Variants in QKI observed in about 807,000 individuals in gnomAD.
QKI encodes the protein KH domain-containing RNA-binding protein QKI.
Under a neutral mutation model 39.0 loss-of-function variants are expected in QKI, and 10 were observed. The ratio of observed to expected loss-of-function variants is 0.26; its 90% CI spans 0.16 to 0.43. The LOEUF (loss-of-function observed/expected upper bound fraction) is 0.43, where lower values mean the gene tolerates loss of function less well. Ranked by LOEUF, QKI falls within the 20% of genes least tolerant of loss-of-function variation. The pLI is 1.00. For missense variants in QKI, 218 were observed against 428.0 expected, an observed-to-expected ratio of 0.51 and a Z score of 4.33; for synonymous variants, 204 against 155.4, an observed-to-expected ratio of 1.31 and a Z score of -2.33.
At chr6:163,556,219 A>G (rs1003961903) in intron 4 of QKI, among the ~76,000 whole-genome samples, 3 of 152,226 alleles carry the variant, frequency 2.0e-5, no homozygotes, top group Non-Finnish European at 4.4e-5. Context: ...GCTGTTAAAC[A>G]TAGTTGATGA....
chr6:163,464,629 C>T (rs576557801), intron 2 of QKI, among the ~76,000 whole-genome samples: 87 of 152,174 alleles, frequency 5.7e-4, no homozygotes, highest in Non-Finnish European at 1.1e-3. Flanking sequence ...CTATCAGGAC[C>T]ACATCATGAA....
At chr6:163,512,311 A>C (rs371286217) in intron 3 of QKI, among the ~76,000 whole-genome samples, 2 of 152,196 alleles carry the variant, frequency 1.3e-5, no homozygotes, top group African/African-American at 4.8e-5. Context: ...GTCTATTCCA[A>C]TTTGTACTAA....
rs201009777 is a variant in QKI, at chr6:163,415,238, A to G, written c.45A>G (p.Pro15=). The G allele has an allele frequency of 5.0e-6, 8 of 1,597,318 alleles. No homozygotes were observed. The Admixed American group carries it at 1.4e-4, about 27-fold the overall frequency. ...CGAAGGAGAAGCCGAAGCCCACCCC[A>G]GATTACCTGATGCAGCTGATGAACG... The part of the protein sequence containing the change: ...METKEKPKPT[P]DYLMQLMNDK... Residue 15 remains proline (P), a synonymous_variant, in exon 1 of 8, where the codon CCA becomes CCG. Transcript: ENST00000361752.
Position 163,481,893 on chromosome 6 carries a change from A to G in QKI, c.402+2997A>G, listed in dbSNP as rs572627072. 7.9e-5 allele frequency among the ~76,000 whole-genome samples: 12 copies of G among 152,250 alleles called. No homozygotes were observed. In the South Asian group the frequency reaches 1.0e-3, roughly 13 times the overall value. On this transcript the variant is annotated intron_variant, in intron 3 of 7. Transcript: ENST00000361752. Reference sequence around the variant, plus strand: ...GTCACACGCCAAAATGTGGCAGTCAAATTTGAAACTAGGCTGGGCACAGTG... The same window carrying G: ...GTCACACGCCAAAATGTGGCAGTCAGATTTGAAACTAGGCTGGGCACAGTG...
intron 3 of QKI, among the ~76,000 whole-genome samples, chr6:163,531,561 C>T (rs544869774): frequency 1.3e-5 from 2 of 152,288 alleles, no homozygotes; most frequent in East Asian, 3.9e-4. Flanking sequence ...AAATAAGTTT[C>T]TTTCTTAACT....
At position 163,563,994 on chromosome 6, in the gene QKI, A is replaced by G. The variant is rs1290735072; in HGVS notation, c.934+275A>G. 8 of 1,265,804 alleles carry G rather than the reference A, an allele frequency of 6.3e-6. No homozygotes were observed. The East Asian group carries it at 2.3e-4, about 36-fold the overall frequency. 78.4% of individuals were successfully genotyped at this position (1,265,804 alleles called of 1,614,324 possible). On this transcript the variant is annotated intron_variant, in intron 6 of 7. Coordinates refer to ENST00000361752, the MANE Select transcript of QKI (RefSeq NM_006775.3). ...TTCAACAAATACTTTTACATTTGAC[A>G]TTACTGAGGTCATTCTGAGTTTTAG...
intron 2 of QKI, among the ~76,000 whole-genome samples, chr6:163,462,287 G>A (rs1791413668): frequency 6.6e-6 from 1 of 152,026 alleles, no homozygotes; most frequent in Non-Finnish European, 1.5e-5. Context: ...AATAAACCCA[G>A]GATTTACAAC....
intron 1 of QKI, 79 bp from the exon 2 acceptor site, chr6:163,455,200 C>G: frequency 2.5e-6 from 3 of 1,182,172 alleles, no homozygotes; most frequent in Non-Finnish European, 3.5e-6. Flanking sequence ...TGAAACCCTC[C>G]CCTGCCCTCT....
intron 1 of QKI, among the ~76,000 whole-genome samples, chr6:163,450,900 A>G (rs1205220007): frequency 6.6e-6 from 1 of 152,200 alleles, no homozygotes. Context: ...TGGCTCCAGA[A>G]GGAGGTTCTG....
intron 3 of QKI, among the ~76,000 whole-genome samples, chr6:163,490,091 G>C (rs906150425): frequency 1.3e-5 from 2 of 152,124 alleles, no homozygotes; most frequent in African/African-American, 4.8e-5. Context: ...GAATCCAATT[G>C]AATAGTAGAA....
rs868762849 is a variant in QKI at position 163,572,681 on chromosome 6, C to T, written c.*1971C>T. Reference sequence around the variant, plus strand: ...TCAAGTGACAGTGGACCCCCCCCCCCGCCCAGCTTATCAACTCGTCCCCTC... The same window carrying T: ...TCAAGTGACAGTGGACCCCCCCCCCTGCCCAGCTTATCAACTCGTCCCCTC... On this transcript the variant is annotated 3_prime_UTR_variant, in exon 8 of 8. Coordinates refer to ENST00000361752, the MANE Select transcript of QKI (RefSeq NM_006775.3). 1.1e-5 allele frequency: 1 copy of T among 95,042 alleles called. No homozygotes were observed. Among genetic ancestry groups the T allele is most frequent in the Non-Finnish European group, 2.2e-5 (1 of 45,358 alleles). 5.9% of individuals were successfully genotyped at this position (95,042 alleles called of 1,614,324 possible).
intron 3 of QKI, among the ~76,000 whole-genome samples, chr6:163,489,258 C>T (rs1433382197): frequency 1.3e-5 from 2 of 150,818 alleles, no homozygotes; most frequent in Non-Finnish European, 2.9e-5. Context: ...GAAGCAGGAT[C>T]GTGTGTGGTT....
chr6:163,556,401 A>G lies in QKI; in HGVS notation c.547-5581A>G, dbSNP rs1246464060. ...GTGACATATGCCTGTAATCCCAGCT[A>G]CTTGGGAGGCTGAGGCAGGAGAATC... On this transcript the variant is annotated intron_variant, in intron 4 of 7. Transcript: ENST00000361752. 2.7e-5 allele frequency among the ~76,000 whole-genome samples: 4 copies of G among 150,684 alleles called. No individual in the cohort carries two copies. The East Asian group carries it at 6.0e-4, about 23-fold the overall frequency.
At chr6:163,506,389 T>A (rs1050271008) in intron 3 of QKI, among the ~76,000 whole-genome samples, 4 of 151,994 alleles carry the variant, frequency 2.6e-5, no homozygotes, top group Admixed American at 2.6e-4. Context: ...TGTATGGGAG[T>A]TTTATGATTA....
At position 163,570,894 on chromosome 6, in the gene QKI, C is replaced by CTTTTTTT; in HGVS notation, c.*195_*201dup. ...AAGAAATTGTTGTCCTCCAACTCAG[C>CTTTTTTT]TTTTTTTTTTTTTTTTTCCTGTTTG... On this transcript the variant is annotated 3_prime_UTR_variant, in exon 8 of 8. Transcript: ENST00000361752. 2.1e-6 allele frequency: 1 copy of CTTTTTTT among 483,856 alleles called. No homozygotes were observed. The highest frequency in any genetic ancestry group is 2.2e-5 in the African/African-American group (1 of 45,458). 30.0% of individuals were successfully genotyped at this position (483,856 alleles called of 1,614,324 possible). A position where few individuals can be genotyped will look rare whatever the true frequency, so the allele number is the denominator to read the frequency against.
At chr6:163,566,113 T>C in intron 6 of QKI, 4 of 1,452,508 alleles carry the variant, frequency 2.8e-6, no homozygotes, top group Non-Finnish European at 3.6e-6. Flanking sequence ...TAAAGTAAAA[T>C]TATGTTATTA....
chr6:163,523,716 T>TG (rs1348496068), intron 3 of QKI, among the ~76,000 whole-genome samples: 2 of 152,220 alleles, frequency 1.3e-5, no homozygotes, highest in Non-Finnish European at 2.9e-5. Context: ...TAAAAACTGA[T>TG]GAAAATATCA....
At chr6:163,459,827 G>A (rs893158890) in intron 2 of QKI, among the ~76,000 whole-genome samples, 2 of 152,200 alleles carry the variant, frequency 1.3e-5, no homozygotes, top group Non-Finnish European at 2.9e-5. Context: ...AGTTTCTCAT[G>A]CATTCATGAA....
chr6:163,493,678 C>T lies in QKI; in HGVS notation c.402+14782C>T, dbSNP rs552177678. ...TAGGAGTTCGAGACCACCTTGGACC[C>T]TTCTCTAACTTAAAAGTACAACAAA... On this transcript the variant is annotated intron_variant, in intron 3 of 7. Transcript: ENST00000361752. 2.6e-5 allele frequency among the ~76,000 whole-genome samples: 4 copies of T among 152,180 alleles called. No homozygotes were observed. The South Asian group carries it at 8.3e-4, about 32-fold the overall frequency.
Sources: gnomAD v4.1 joint callset for allele counts (sites outside exome capture counted in the v4.1 genomes callset) on GRCh38, gnomAD v4.1.1 for gene constraint, MANE v1.5 for transcripts, NCBI Gene and HGNC (gene_info 2026-07-23, HGNC 2026-07-21) for gene names.